The following AGMO variants were observed in gnomAD, a reference collection of about 807,000 sequenced individuals.
AGMO encodes glyceryl-ether monooxygenase.
Under a neutral mutation model 60.2 loss-of-function variants are expected in AGMO, and 75 were observed. That is an observed-to-expected ratio of 1.25 (90% CI 1.03 to 1.51). The LOEUF is 1.51. AGMO is among the 40% of genes most tolerant of loss of function. The pLI, the probability that AGMO is intolerant of heterozygous loss-of-function variation, is 0.00. For synonymous variants in AGMO, 261 were observed against 177.1 expected (o/e 1.47, Z -3.76); for missense variants, 763 against 525.5 (o/e 1.45, Z -4.42).
chr7:15,417,374 G>C (rs1300642874), intron 5 of AGMO, among the ~76,000 whole-genome samples: 3 of 152,118 alleles, frequency 2.0e-5, no homozygotes, highest in African/African-American at 7.2e-5. Flanking sequence ...CACAGGAAGA[G>C]GTGAAAGTGA....
intron 3 of AGMO, among the ~76,000 whole-genome samples, chr7:15,536,718 C>A (rs982640443): frequency 2.0e-5 from 3 of 151,798 alleles, no homozygotes; most frequent in Non-Finnish European, 2.9e-5. Flanking sequence ...CATTTACTCA[C>A]AAATAAATGC....
At chr7:15,241,386 A>G (rs1421633624) in intron 12 of AGMO, among the ~76,000 whole-genome samples, 1 of 142,752 alleles carries the variant, frequency 7.0e-6, no homozygotes, top group African/African-American at 2.6e-5. Flanking sequence ...CATGAACCCA[A>G]GAGGCGGAGC....
chr7:15,361,546 A>AAAAAAAAAAGAAAAG (rs60239009), intron 12 of AGMO, among the ~76,000 whole-genome samples: 16 of 91,426 alleles, frequency 1.8e-4, no homozygotes, highest in African/African-American at 6.4e-4. Context: ...TCTCAAAAAA[A>AAAAAAAAAAGAAAAG]AAAAAAAAGG....
intron 12 of AGMO, among the ~76,000 whole-genome samples, chr7:15,208,383 A>G (rs569349114): frequency 1.3e-5 from 2 of 152,350 alleles, no homozygotes; most frequent in African/African-American, 4.8e-5. Flanking sequence ...TTTTCCACCA[A>G]TAATCTTCCT....
chr7:15,499,952 A>G (rs945573555), intron 3 of AGMO, among the ~76,000 whole-genome samples: 16 of 149,350 alleles, frequency 1.1e-4, no homozygotes, highest in Non-Finnish European at 1.8e-4. Flanking sequence ...TATAATATAT[A>G]TATTTTTCCA....
At chr7:15,288,851 TAAA>T (rs201502047) in intron 12 of AGMO, among the ~76,000 whole-genome samples, 6 of 141,676 alleles carry the variant, frequency 4.2e-5, no homozygotes, top group East Asian at 2.1e-4. Flanking sequence ...AAATAAAAAA[TAAA>T]AAAAAAAAAA....
At chr7:15,507,088 G>C (rs1036195610) in intron 3 of AGMO, among the ~76,000 whole-genome samples, 6 of 151,996 alleles carry the variant, frequency 3.9e-5, no homozygotes, top group Admixed American at 2.0e-4. Flanking sequence ...ACATATTTAT[G>C]ATAGTTAAGG....
intron 12 of AGMO, among the ~76,000 whole-genome samples, chr7:15,297,907 T>C (rs1232516815): frequency 6.6e-6 from 1 of 152,190 alleles, no homozygotes; most frequent in Admixed American, 6.5e-5. Flanking sequence ...TTCTTATTGG[T>C]TAAATATTTC....
chr7:15,164,652 CA>C, the AGMO span, among the ~76,000 whole-genome samples: 1 of 151,908 alleles, frequency 6.6e-6, no homozygotes, highest in Non-Finnish European at 1.5e-5. Flanking sequence ...CAGAGAAATG[CA>C]AATTTTTTTT....
At chr7:15,154,699 G>C in the AGMO span, among the ~76,000 whole-genome samples, 1 of 152,142 alleles carries the variant, frequency 6.6e-6, no homozygotes, top group East Asian at 1.9e-4. Flanking sequence ...TATAGTGTCG[G>C]TGAGCTATGT....
intron 12 of AGMO, among the ~76,000 whole-genome samples, chr7:15,299,830 T>TACACACACACACACAC (rs756832586): frequency 2.5e-4 from 12 of 48,184 alleles, no homozygotes; most frequent in African/African-American, 1.3e-3. Context: ...TCTGTCTACA[T>TACACACACACACACAC]ACACACACAC....
chr7:15,213,252 C>G (rs1370071016), intron 12 of AGMO, among the ~76,000 whole-genome samples: 7 of 151,634 alleles, frequency 4.6e-5, no homozygotes, highest in Admixed American at 2.0e-4. Context: ...AGTTTGATAT[C>G]CTAGAAAAAA....
chr7:15,206,773 A>G (rs183736442), intron 12 of AGMO, among the ~76,000 whole-genome samples: 1 of 152,282 alleles, frequency 6.6e-6, no homozygotes, highest in African/African-American at 2.4e-5. Context: ...AATACTAAAC[A>G]TAACGCAATC....
intron 12 of AGMO, among the ~76,000 whole-genome samples, chr7:15,238,641 A>C (rs1259187365): frequency 2.0e-5 from 3 of 151,700 alleles, no homozygotes; most frequent in African/African-American, 7.2e-5. Context: ...ACACAAAGGC[A>C]AAAAGGATTA....
intron 12 of AGMO, among the ~76,000 whole-genome samples, chr7:15,340,465 C>A (rs1176283294): frequency 1.3e-5 from 2 of 152,196 alleles, no homozygotes; most frequent in East Asian, 3.9e-4. Flanking sequence ...ACTCCTGTCA[C>A]AGGCCAGGAG....
intron 12 of AGMO, among the ~76,000 whole-genome samples, chr7:15,364,316 A>C (rs964937868): frequency 7.9e-5 from 12 of 152,050 alleles, no homozygotes; most frequent in African/African-American, 2.9e-4. Context: ...AATAAAATAC[A>C]TTTATATATT....
intron 12 of AGMO, among the ~76,000 whole-genome samples, chr7:15,217,306 G>T (rs913538301): frequency 6.6e-6 from 1 of 152,188 alleles, no homozygotes; most frequent in African/African-American, 2.4e-5. Flanking sequence ...CTCAACTGAG[G>T]AGGAGTTCAT....
chr7:15,173,695 G>A, the AGMO span, among the ~76,000 whole-genome samples: 3 of 151,746 alleles, frequency 2.0e-5, no homozygotes, highest in African/African-American at 7.3e-5. Context: ...AATAGAAAAT[G>A]GGTTAAGGAA....
chr7:15,394,547 T>G (rs1784293128), intron 5 of AGMO, among the ~76,000 whole-genome samples: 1 of 152,216 alleles, frequency 6.6e-6, no homozygotes. Flanking sequence ...AACGTTGTTC[T>G]GAGGATTATG....
Sources: allele counts gnomAD v4.1 joint callset (sites outside exome capture counted in the v4.1 genomes callset), GRCh38; gene constraint gnomAD v4.1.1; transcripts MANE v1.5; gene names NCBI Gene and HGNC (gene_info 2026-07-23, HGNC 2026-07-21).